Variants in LAMA2 observed in about 807,000 individuals in gnomAD.
LAMA2 encodes laminin subunit alpha-2.
LAMA2 carries 269 observed loss-of-function variants against 364.8 expected under a neutral mutation model. The observed-to-expected ratio is 0.74, with a 90% CI of 0.67 to 0.82. The LOEUF is 0.82. LAMA2 is among the 40% of genes least tolerant of loss of function. The pLI is 0.00. For synonymous variants in LAMA2, 1,379 were observed against 1,370.6 expected, an observed-to-expected ratio of 1.01 and a Z score of -0.14; for missense variants, 3,807 against 3,873.2, an observed-to-expected ratio of 0.98 and a Z score of 0.45.
intron 1 of LAMA2, among the ~76,000 whole-genome samples, chr6:129,042,198 G>A (rs113547476): frequency 0.33 from 50,155 of 151,090 alleles, 9,693 homozygotes; most frequent in African/African-American, 0.54. Context: ...CCAGCTACTC[G>A]GGAGGCTGAG....
At chr6:129,221,938 T>C (rs1367416573) in intron 12 of LAMA2, among the ~76,000 whole-genome samples, 1 of 152,192 alleles carries the variant, frequency 6.6e-6, no homozygotes, top group Non-Finnish European at 1.5e-5. Context: ...TAGTGATAGG[T>C]TCTCAGATGA....
At chr6:129,377,053 C>T (rs998577862) in intron 34 of LAMA2, among the ~76,000 whole-genome samples, 5 of 152,040 alleles carry the variant, frequency 3.3e-5, no homozygotes, top group Non-Finnish European at 7.4e-5. Flanking sequence ...ATTTTGCACT[C>T]TTTAAAATGT....
In LAMA2 at chr6:129,200,283, T is replaced by C. The variant is rs866978830; in HGVS notation, c.1782+7430T>C. Among the ~76,000 whole-genome samples the C allele has an allele frequency of 5.4e-4, 51 of 94,650 alleles. 2 individuals are homozygous for C. The highest frequency in any genetic ancestry group is 2.2e-3 in the African/African-American group (47 of 20,906). The allele number at this position is 94,650 out of a possible 152,430, so 62.1% of individuals were successfully genotyped here. A position where few individuals can be genotyped will look rare whatever the true frequency, so the allele number is the denominator to read the frequency against. On this transcript the variant is annotated intron_variant, in intron 12 of 64. Coordinates refer to ENST00000421865, the MANE Select transcript of LAMA2 (RefSeq NM_000426.4). ...GTACACATATACATGTGTATATATA[T>C]ACGTGTACACATATACATGTGTGTA...
chr6:129,195,611 G>A (rs898181453), intron 12 of LAMA2, among the ~76,000 whole-genome samples: 17 of 152,154 alleles, frequency 1.1e-4, no homozygotes, highest in Non-Finnish European at 1.5e-4. Context: ...ACAACTGGCA[G>A]AATCAAGTGT....
intron 44 of LAMA2, among the ~76,000 whole-genome samples, chr6:129,445,011 TA>T (rs1489113999): frequency 6.6e-6 from 1 of 152,250 alleles, no homozygotes; most frequent in Non-Finnish European, 1.5e-5. Context: ...TGTAACCCTT[TA>T]TTTTTTTTAA....
chr6:129,035,544 G>A (rs1178867673), intron 1 of LAMA2, among the ~76,000 whole-genome samples: 3 of 44,722 alleles, frequency 6.7e-5, no homozygotes, highest in Non-Finnish European at 1.5e-4. Context: ...TTTTTTTTTT[G>A]CATTTGCTTT....
intron 17 of LAMA2, among the ~76,000 whole-genome samples, chr6:129,274,507 A>G (rs943659773): frequency 6.6e-6 from 1 of 151,952 alleles, no homozygotes; most frequent in Admixed American, 6.6e-5. Flanking sequence ...TTATCTATTT[A>G]ATCCCTGGTC....
chr6:129,125,954 CAAAA>C (rs773299686), intron 4 of LAMA2, among the ~76,000 whole-genome samples: 20 of 152,006 alleles, frequency 1.3e-4, no homozygotes, highest in Non-Finnish European at 1.9e-4. Flanking sequence ...AAAAAGCCAT[CAAAA>C]AACGCCAGGC....
chr6:129,183,377 T>G (rs1027001804), intron 10 of LAMA2, among the ~76,000 whole-genome samples: 1 of 151,988 alleles, frequency 6.6e-6, no homozygotes, highest in Non-Finnish European at 1.5e-5. Flanking sequence ...TTTATCAAAG[T>G]CTTATAATAG....
chr6:128,956,013 AT>A (rs1219599444), intron 1 of LAMA2, among the ~76,000 whole-genome samples: 1 of 151,948 alleles, frequency 6.6e-6, no homozygotes, highest in Non-Finnish European at 1.5e-5. Context: ...TGACTCAGTA[AT>A]TCTTACATTA....
At chr6:129,027,056 G>A (rs575003754) in intron 1 of LAMA2, among the ~76,000 whole-genome samples, 1 of 152,138 alleles carries the variant, frequency 6.6e-6, no homozygotes, top group East Asian at 1.9e-4. Flanking sequence ...CCTATCTTTG[G>A]CTTAGTAATA....
At chr6:129,009,944 G>A (rs1402324068) in intron 1 of LAMA2, among the ~76,000 whole-genome samples, 1 of 152,102 alleles carries the variant, frequency 6.6e-6, no homozygotes, top group Admixed American at 6.6e-5. Context: ...AAATGCTCCA[G>A]TTGTTCTGCT....
intron 1 of LAMA2, among the ~76,000 whole-genome samples, chr6:129,038,514 AGACAT>A (rs776925133): frequency 2.1e-4 from 32 of 152,168 alleles, no homozygotes; most frequent in Non-Finnish European, 4.4e-4. Flanking sequence ...AGAAGATGGC[AGACAT>A]CAAGGTCATC....
intron 40 of LAMA2, among the ~76,000 whole-genome samples, chr6:129,420,919 T>A (rs763158155): frequency 2.0e-5 from 3 of 152,148 alleles, no homozygotes; most frequent in Non-Finnish European, 4.4e-5. Flanking sequence ...TAAGTGACTA[T>A]ATTTGTTTGT....
chr6:129,391,416 A>G (rs1161386818), intron 35 of LAMA2, 75 bp from the exon 36 acceptor site: 1 of 1,232,260 alleles, frequency 8.1e-7, no homozygotes, highest in Non-Finnish European at 1.2e-6. Context: ...GGTGGTGCCC[A>G]GCAGATGCTG....
chr6:128,952,960 G>A (rs1266257535), intron 1 of LAMA2, among the ~76,000 whole-genome samples: 1 of 152,024 alleles, frequency 6.6e-6, no homozygotes, highest in African/African-American at 2.4e-5. Context: ...TCTCTGTAAG[G>A]TGCCTAAAAT....
intron 29 of LAMA2, among the ~76,000 whole-genome samples, chr6:129,340,687 A>T (rs1776209212): frequency 6.6e-6 from 1 of 151,930 alleles, no homozygotes; most frequent in Admixed American, 6.6e-5. Flanking sequence ...AATACAAAAA[A>T]TTAGCCTGGC....
chr6:129,515,441 TGAA>T (rs1359045374), intron 64 of LAMA2, among the ~76,000 whole-genome samples: 1 of 152,208 alleles, frequency 6.6e-6, no homozygotes, highest in East Asian at 1.9e-4. Flanking sequence ...CAAGATATTA[TGAA>T]GGAGGTAATG....
chr6:129,046,244 T>C (rs1345312812), intron 1 of LAMA2, among the ~76,000 whole-genome samples: 2 of 152,222 alleles, frequency 1.3e-5, no homozygotes, highest in Non-Finnish European at 2.9e-5. Flanking sequence ...TTTATGTTAA[T>C]ATGTAAGTGC....
Sources: allele counts gnomAD v4.1 joint callset (sites outside exome capture counted in the v4.1 genomes callset), GRCh38; gene constraint gnomAD v4.1.1; transcripts MANE v1.5; gene names NCBI Gene and HGNC (gene_info 2026-07-23, HGNC 2026-07-21).